The following RAB33A variants were observed in gnomAD, a reference collection of about 807,000 sequenced individuals.
RAB33A encodes RAB33A, member RAS oncogene family.
In RAB33A, 6 loss-of-function variants were observed where a neutral mutation model predicts 12.0. The ratio of observed to expected loss-of-function variants is 0.50; its 90% CI spans 0.27 to 0.99. RAB33A has a LOEUF of 0.99. Ranked by LOEUF, RAB33A falls within the 50% of genes least tolerant of loss-of-function variation. The probability of loss-of-function intolerance (pLI) is 0.11; values close to 1 mark genes in which losing one functional copy is unlikely to be tolerated. For synonymous variants in RAB33A, 70 were observed against 82.4 expected, an observed-to-expected ratio of 0.85 and a Z score of 0.81; for missense variants, 109 against 192.0, an observed-to-expected ratio of 0.57 and a Z score of 2.55.
chrX:130,161,628 G>A, the RAB33A span, among the ~76,000 whole-genome samples: 2 of 93,508 alleles, frequency 2.1e-5, no homozygotes, highest in Non-Finnish European at 4.2e-5. Flanking sequence ...TTTTTTTTGA[G>A]ACAGATTCTC....
At chrX:130,174,079 C>T (rs1031346540) in intron 1 of RAB33A, among the ~76,000 whole-genome samples, 4 of 111,839 alleles carry the variant, frequency 3.6e-5, no homozygotes, top group Non-Finnish European at 1.9e-5. Context: ...GGAAGAGTCA[C>T]CACCCAGTGG....
chrX:130,113,022 C>T, the RAB33A span, among the ~76,000 whole-genome samples: 18 of 106,901 alleles, frequency 1.7e-4, no homozygotes, highest in Non-Finnish European at 2.5e-4. Context: ...GTATCTGTCA[C>T]CTCAAGCATT....
the RAB33A span, among the ~76,000 whole-genome samples, chrX:130,158,806 C>G: frequency 9.2e-6 from 1 of 108,990 alleles, no homozygotes; most frequent in Non-Finnish European, 1.9e-5. Flanking sequence ...CAAGCTTAGT[C>G]TAGAGGCTGA....
chrX:130,135,891 A>C, the RAB33A span, among the ~76,000 whole-genome samples: 1 of 111,964 alleles, frequency 8.9e-6, no homozygotes, highest in African/African-American at 3.2e-5. Context: ...CTTCTGAATC[A>C]AGCAGTTCAC....
chrX:130,158,363 G>A, the RAB33A span, among the ~76,000 whole-genome samples: 10 of 112,354 alleles, frequency 8.9e-5, no homozygotes, highest in African/African-American at 2.6e-4. Flanking sequence ...GCTTTGGCCT[G>A]TGGCTGTAGT....
the RAB33A span, among the ~76,000 whole-genome samples, chrX:130,149,067 G>A: frequency 2.9e-4 from 31 of 106,667 alleles, no homozygotes; most frequent in Admixed American, 2.6e-3. Flanking sequence ...GATTACAGGC[G>A]TGCACCACCA....
chrX:130,178,321 A>AAGAG (rs10560124), intron 1 of RAB33A, among the ~76,000 whole-genome samples: 2 of 99,308 alleles, frequency 2.0e-5, no homozygotes, highest in Admixed American at 1.1e-4. Context: ...TTGTCTGGAA[A>AAGAG]AGAGAGAGAG....
At chrX:130,157,748 C>A in the RAB33A span, among the ~76,000 whole-genome samples, 1 of 109,328 alleles carries the variant, frequency 9.1e-6, no homozygotes, top group African/African-American at 3.3e-5. Context: ...GGGCAGATCA[C>A]GAGGTCAAGA....
the RAB33A span, among the ~76,000 whole-genome samples, chrX:130,122,035 T>C: frequency 8.9e-6 from 1 of 112,169 alleles, no homozygotes; most frequent in African/African-American, 3.2e-5. Context: ...GAGCCGATCA[T>C]CTGAGAGGTC....
chrX:130,165,931 G>A, the RAB33A span: 1 of 394,632 alleles, frequency 2.5e-6, no homozygotes, highest in Admixed American at 4.0e-5. Context: ...TGCACTAGCT[G>A]GCCGCAAGCT....
chrX:130,132,795 G>T, the RAB33A span, among the ~76,000 whole-genome samples: 1 of 103,702 alleles, frequency 9.6e-6, no homozygotes, highest in African/African-American at 3.6e-5. Flanking sequence ...CACCCAGGCC[G>T]GAGTGCAGTG....
chrX:130,113,004 T>C, the RAB33A span, among the ~76,000 whole-genome samples: 2 of 109,115 alleles, frequency 1.8e-5, no homozygotes, highest in Admixed American at 1.9e-4. Context: ...CACATCAGGG[T>C]AAATGGGGTA....
chrX:130,115,667 G>A, the RAB33A span, among the ~76,000 whole-genome samples: 229 of 97,796 alleles, frequency 2.3e-3, no homozygotes, highest in African/African-American at 8.2e-3. Context: ...GAGAGAAAGA[G>A]AGAGAGAGAG....
chrX:130,143,526 G>A, the RAB33A span, among the ~76,000 whole-genome samples: 3 of 110,869 alleles, frequency 2.7e-5, no homozygotes, highest in African/African-American at 6.6e-5. Flanking sequence ...TGCCTCAAGT[G>A]TGTTCCCTAC....
intron 1 of RAB33A, among the ~76,000 whole-genome samples, chrX:130,176,414 G>T (rs1253360075): frequency 8.9e-6 from 1 of 111,921 alleles, no homozygotes; most frequent in African/African-American, 3.3e-5. Context: ...GGCACTCCCT[G>T]TGCCCCAGCC....
the RAB33A span, among the ~76,000 whole-genome samples, chrX:130,158,455 G>GCCAGGCC: frequency 4.2e-4 from 46 of 110,141 alleles, no homozygotes; most frequent in African/African-American, 1.5e-3. Context: ...AACAAAGCTG[G>GCCAGGCC]CCAGGCCCCA....
At chrX:130,171,950 A>ACG, upstream of RAB33A, 3 of 863,822 alleles carry the variant, frequency 3.5e-6, no homozygotes, top group African/African-American at 2.0e-5. Flanking sequence ...ACACACACAC[A>ACG]CGCGCGCACA....
At chrX:130,137,117 C>T in the RAB33A span, 37 of 1,209,268 alleles carry the variant, frequency 3.1e-5, no homozygotes, top group Admixed American at 2.6e-4. Context: ...CTGAGGTATT[C>T]GGGGAGGATC....
the RAB33A span, among the ~76,000 whole-genome samples, chrX:130,118,957 C>T: frequency 4.5e-5 from 5 of 111,713 alleles, no homozygotes; most frequent in African/African-American, 1.6e-4. Flanking sequence ...GCCTGTGCGT[C>T]TCAGGATGTC....
Sources: allele counts gnomAD v4.1 joint callset (sites outside exome capture counted in the v4.1 genomes callset), GRCh38; gene constraint gnomAD v4.1.1; transcripts MANE v1.5; gene names NCBI Gene and HGNC (gene_info 2026-07-23, HGNC 2026-07-21).